Variants in TSLP observed in about 807,000 individuals in gnomAD.
TSLP encodes the protein thymic stroma-derived lymphopoietin.
In TSLP, 12 loss-of-function variants were observed where a neutral mutation model predicts 12.4. That is an observed-to-expected ratio of 0.97 (90% CI 0.62 to 1.57). TSLP has a LOEUF of 1.57. Among genes scored for constraint, TSLP ranks in the 40% most tolerant of loss-of-function variants. The probability of loss-of-function intolerance (pLI) is 0.00; values close to 1 mark genes in which losing one functional copy is unlikely to be tolerated. For missense variants in TSLP, 222 were observed against 189.6 expected (o/e 1.17, Z -1.00); for synonymous variants, 97 against 69.5 (o/e 1.40, Z -1.97).
intron 1 of TSLP, 44 bp downstream of exon 1, chr5:111,072,105 G>A: frequency 6.5e-7 from 1 of 1,541,814 alleles, no homozygotes; most frequent in Non-Finnish European, 8.9e-7. Context: ...TTTCATCAGA[G>A]GAGTCGGCAT....
upstream of TSLP, chr5:111,071,407 A>G: frequency 6.7e-7 from 1 of 1,494,090 alleles, no homozygotes; most frequent in Admixed American, 2.6e-5. Context: ...GTTTCTCCCA[A>G]ATAGAAAGGA....
upstream of TSLP, chr5:111,070,610 G>A (rs1203250725): frequency 6.6e-6 from 1 of 152,344 alleles, no homozygotes; most frequent in Non-Finnish European, 1.5e-5. Flanking sequence ...AAGACTGCTA[G>A]ACAGACATCC....
intron 2 of TSLP, among the ~76,000 whole-genome samples, chr5:111,073,155 C>T (rs1209707575): frequency 6.6e-6 from 1 of 152,226 alleles, no homozygotes; most frequent in Non-Finnish European, 1.5e-5. Flanking sequence ...GGAGGAAAGG[C>T]AAATTGGGAA....
At position 111,073,214 on chromosome 5, in the gene TSLP, C is replaced by T. The variant is rs1752391992; in HGVS notation, c.216+282C>T. 3 of 1,246,244 alleles carry T rather than the reference C, an allele frequency of 2.4e-6. No homozygotes were observed. The South Asian group carries it at 5.1e-5, about 21-fold the overall frequency. 77.2% of individuals were successfully genotyped at this position (1,246,244 alleles called of 1,614,324 possible). On this transcript the variant is annotated intron_variant, in intron 2 of 3. Coordinates refer to ENST00000344895, the MANE Select transcript of TSLP (RefSeq NM_033035.5). ...GGGCACCACCTGCTGGGGTCCGGCG[C>T]CTCCGCGCTCGGGCTCGGAATTTTG...
At position 111,073,710 on chromosome 5, in the gene TSLP, G is replaced by T. The variant is rs140872604; in HGVS notation, c.351+65G>T. On this transcript the variant is annotated intron_variant, in intron 3 of 3. Coordinates refer to ENST00000344895, the MANE Select transcript of TSLP (RefSeq NM_033035.5). ...TAACCTCAAATTAAACTGGGGCTTTGGTGCAGAAGTCGTTCTCTTATTTTT... is the reference window on the plus strand; with the variant it reads ...TAACCTCAAATTAAACTGGGGCTTTTGTGCAGAAGTCGTTCTCTTATTTTT... 105 of 1,508,888 alleles carry T rather than the reference G, an allele frequency of 7.0e-5. No homozygotes were observed. In the African/African-American group the frequency reaches 1.2e-3, roughly 18 times the overall value. 93.5% of individuals were successfully genotyped at this position (1,508,888 alleles called of 1,614,324 possible).
chr5:111,071,537 A>G, upstream of TSLP: 1 of 1,543,946 alleles, frequency 6.5e-7, no homozygotes, highest in Non-Finnish European at 8.7e-7. Flanking sequence ...ATTCCTGATG[A>G]CTTTACTGAT....
rs776768293 is a variant in TSLP at position 111,073,645 on chromosome 5, G to A, written c.351G>A (p.Gln117=). 1.9e-6 allele frequency: 3 copies of A among 1,614,038 alleles called. No individual in the cohort carries two copies. The highest frequency in any genetic ancestry group is 1.3e-5 in the African/African-American group (1 of 74,932). Residue 117 remains glutamine, a splice_region_variant and synonymous_variant, in exon 3 of 4, where the codon CAG becomes CAA. Coordinates refer to ENST00000344895, the MANE Select transcript of TSLP (RefSeq NM_033035.5). ...GGTGCCCAGGCTATTCGGAAACTCAGGTAAGCCCGAAGCCTCAGACGTTTG... is the reference window on the plus strand; with the variant it reads ...GGTGCCCAGGCTATTCGGAAACTCAAGTAAGCCCGAAGCCTCAGACGTTTG... ...AIWCPGYSET[Q]INATQAMKKR...
rs536185112 is a variant in TSLP, at chr5:111,077,004, C to A, written c.*930C>A. 1 of 152,292 alleles carries A rather than the reference C, an allele frequency of 6.6e-6. No homozygotes were observed. The highest frequency in any genetic ancestry group is 2.4e-5 in the African/African-American group (1 of 41,556). The allele number at this position is 152,292 out of a possible 1,614,324, so 9.4% of individuals were successfully genotyped here. ...CAATCATCCTTTTCTTAAATTATGT[C>A]ACTAGTCTTTTATTTTTTCCCCTCT... is the stretch of plus-strand genomic sequence containing the variant. On this transcript the variant is annotated 3_prime_UTR_variant, in exon 4 of 4. Transcript: ENST00000344895.
chr5:111,071,112 G>A (rs1304238705), upstream of TSLP: 2 of 228,728 alleles, frequency 8.7e-6, no homozygotes, highest in East Asian at 8.9e-5. Flanking sequence ...TTGAGAACAA[G>A]CCACATCAGA....
chr5:111,073,367 C>T lies in TSLP; in HGVS notation c.217-144C>T, dbSNP rs571508866. ...GTTGGTTCTTCCTTGCTCTACTCAA[C>T]CCTGACCTCTTCTCTCTGACTCTCG... On this transcript the variant is annotated intron_variant, in intron 2 of 3. Coordinates refer to ENST00000344895, the MANE Select transcript of TSLP (RefSeq NM_033035.5). The T allele has an allele frequency of 1.9e-3, 2,941 of 1,527,504 alleles. 7 individuals carry two copies. The highest frequency in any genetic ancestry group is 4.8e-3 in the Middle Eastern group (25 of 5,220). The allele number at this position is 1,527,504 out of a possible 1,614,324, so 94.6% of individuals were successfully genotyped here. A position where few individuals can be genotyped will look rare whatever the true frequency, so the allele number is the denominator to read the frequency against.
At position 111,076,364 on chromosome 5, in the gene TSLP, G is replaced by T; in HGVS notation, c.*290G>T. The T allele has an allele frequency of 3.3e-6, 1 of 304,272 alleles. No individual in the cohort carries two copies. The allele number at this position is 304,272 out of a possible 1,614,324, so 18.8% of individuals were successfully genotyped here. ...TTGCTCAAGAGGAAAATCCAAAAGT[G>T]CAGCAGGAGAACTCTTTTCCCTGAA... On this transcript the variant is annotated 3_prime_UTR_variant, in exon 4 of 4. Transcript: ENST00000344895.
intron 2 of TSLP, chr5:111,073,209 C>T: frequency 8.4e-7 from 1 of 1,192,460 alleles, no homozygotes. Flanking sequence ...TGCTGGGGTC[C>T]GGCGCCTCCG....
intron 3 of TSLP, among the ~76,000 whole-genome samples, chr5:111,075,133 G>T (rs1453388101): frequency 2.0e-5 from 3 of 152,190 alleles, no homozygotes; most frequent in Admixed American, 1.3e-4. Flanking sequence ...TGGACAGCAT[G>T]TGAGAAAGGG....
chr5:111,073,207 T>G, intron 2 of TSLP: 1 of 1,158,090 alleles, frequency 8.6e-7, no homozygotes, highest in South Asian at 1.8e-5. Context: ...CCTGCTGGGG[T>G]CCGGCGCCTC....
At chr5:111,074,692 A>G (rs1752451942) in intron 3 of TSLP, among the ~76,000 whole-genome samples, 2 of 140,502 alleles carry the variant, frequency 1.4e-5, no homozygotes, top group Non-Finnish European at 3.0e-5. Flanking sequence ...ATGCAGTGGC[A>G]CGATCTCAGC....
rs538607905 is a variant in TSLP, at chr5:111,074,676, G to T, written c.351+1031G>T. 6.1e-5 allele frequency among the ~76,000 whole-genome samples: 9 copies of T among 146,828 alleles called. No individual in the cohort carries two copies. In the Admixed American group the frequency reaches 6.2e-4, roughly 10 times the overall value. On this transcript the variant is annotated intron_variant, in intron 3 of 3. Coordinates refer to ENST00000344895, the MANE Select transcript of TSLP (RefSeq NM_033035.5). ...GACAGAATCTCGCTCTGTTACCCAG[G>T]CTGGAATGCAGTGGCACGATCTCAG...
chr5:111,071,301 T>A, upstream of TSLP: 1 of 726,744 alleles, frequency 1.4e-6, no homozygotes, highest in Non-Finnish European at 2.1e-6. Context: ...AAGCACTAGT[T>A]GAAAGTGGCC....
chr5:111,072,022 CA>C lies in TSLP; in HGVS notation c.133del (p.Ser45ValfsTer7). ...DFEKIKAAYLSTISKDLITYM... is the reference protein window; with the variant it reads ...DFEKIKAAYLXTISKDLITYM... Reference sequence around the variant, plus strand: ...TTGAGAAGATTAAAGCAGCCTATCTCAGTACTATTTCTAAAGACCTGATTAC... The same window carrying C: ...TTGAGAAGATTAAAGCAGCCTATCTCGTACTATTTCTAAAGACCTGATTAC... On this transcript the variant is annotated frameshift_variant, in exon 1 of 4. Transcript: ENST00000344895. LOFTEE classifies it high-confidence loss of function. 1 of 1,614,098 alleles carries C rather than the reference CA, an allele frequency of 6.2e-7. No homozygotes were observed. Among genetic ancestry groups the C allele is most frequent in the Non-Finnish European group, 8.5e-7 (1 of 1,180,036 alleles).
intron 3 of TSLP, among the ~76,000 whole-genome samples, chr5:111,075,367 C>A (rs1305325657): frequency 2.0e-5 from 3 of 151,886 alleles, no homozygotes; most frequent in African/African-American, 7.3e-5. Flanking sequence ...ATGTCTGTGA[C>A]ACATCTAGAC....
Sources: allele counts gnomAD v4.1 joint callset (sites outside exome capture counted in the v4.1 genomes callset), GRCh38; gene constraint gnomAD v4.1.1; transcripts MANE v1.5; gene names NCBI Gene and HGNC (gene_info 2026-07-23, HGNC 2026-07-21).